STXBP5L: variants seen among roughly 807,000 people sequenced by gnomAD.
STXBP5L encodes syntaxin-binding protein 5-like.
STXBP5L carries 65 observed loss-of-function variants against 144.5 expected under a neutral mutation model. The ratio of observed to expected loss-of-function variants is 0.45; its 90% CI spans 0.37 to 0.55. The LOEUF (loss-of-function observed/expected upper bound fraction) is 0.55, where lower values mean the gene tolerates loss of function less well. Ranked by LOEUF, STXBP5L falls within the 20% of genes least tolerant of loss-of-function variation. STXBP5L has a pLI of 0.00. For synonymous variants in STXBP5L, 505 were observed against 469.6 expected, an observed-to-expected ratio of 1.08 and a Z score of -0.97; for missense variants, 1,298 against 1,405.5, an observed-to-expected ratio of 0.92 and a Z score of 1.22.
intron 5 of STXBP5L, among the ~76,000 whole-genome samples, chr3:121,104,719 A>G (rs987665307): frequency 4.6e-5 from 7 of 152,170 alleles, no homozygotes; most frequent in African/African-American, 1.2e-4. Context: ...GTGGATCCTC[A>G]TCTCTCACCT....
chr3:120,958,178 G>A (rs1030136310), intron 3 of STXBP5L, among the ~76,000 whole-genome samples: 1 of 152,088 alleles, frequency 6.6e-6, no homozygotes. Flanking sequence ...TAAATTCCTG[G>A]ACACATACAC....
At chr3:121,184,618 G>A (rs1283810357) in intron 9 of STXBP5L, among the ~76,000 whole-genome samples, 1 of 152,086 alleles carries the variant, frequency 6.6e-6, no homozygotes, top group Non-Finnish European at 1.5e-5. Flanking sequence ...TGGGGAGAAT[G>A]GAACCAAGTT....
At chr3:121,260,639 C>T (rs1368543295) in intron 18 of STXBP5L, among the ~76,000 whole-genome samples, 2 of 151,876 alleles carry the variant, frequency 1.3e-5, no homozygotes, top group Non-Finnish European at 2.9e-5. Context: ...AAGAATTGTG[C>T]CAATACCGTT....
chr3:121,413,330 C>A lies in STXBP5L; in HGVS notation c.3114+7C>A. On this transcript the variant is annotated splice_region_variant and intron_variant, in intron 24 of 26. Transcript: ENST00000471454. ...AATGTGTGATAATCTACAGGTAGGT[C>A]AGGAGTTACATTTATGAAAAAGACA... is the stretch of plus-strand genomic sequence containing the variant. 2.0e-6 allele frequency: 3 copies of A among 1,519,552 alleles called. No individual in the cohort carries two copies. Among genetic ancestry groups the A allele is most frequent in the South Asian group, 2.7e-5 (2 of 74,468 alleles). 94.1% of individuals were successfully genotyped at this position (1,519,552 alleles called of 1,614,324 possible). A position where few individuals can be genotyped will look rare whatever the true frequency, so the allele number is the denominator to read the frequency against.
chr3:121,405,550 G>C (rs4440066), intron 22 of STXBP5L, among the ~76,000 whole-genome samples: 14,237 of 152,066 alleles, frequency 0.094, 954 homozygotes, highest in African/African-American at 0.18. Flanking sequence ...GGGAAAGCTG[G>C]AGTAAAGTAC....
intron 3 of STXBP5L, among the ~76,000 whole-genome samples, chr3:121,020,236 G>GA (rs1030812034): frequency 5.9e-5 from 9 of 151,490 alleles, no homozygotes; most frequent in East Asian, 1.9e-4. Context: ...AAAGAAAAAA[G>GA]AAAAAAAATG....
At chr3:121,217,259 T>C (rs746225845) in intron 10 of STXBP5L, among the ~76,000 whole-genome samples, 2 of 152,158 alleles carry the variant, frequency 1.3e-5, no homozygotes, top group Non-Finnish European at 2.9e-5. Context: ...TAGCTCGGTG[T>C]CTGCCCAAAT....
At chr3:121,016,941 A>T (rs191613387) in intron 3 of STXBP5L, among the ~76,000 whole-genome samples, 67 of 152,314 alleles carry the variant, frequency 4.4e-4, no homozygotes, top group Non-Finnish European at 6.3e-4. Flanking sequence ...TCCCTGGAGG[A>T]TTAGCATTAC....
intron 20 of STXBP5L, among the ~76,000 whole-genome samples, chr3:121,328,879 G>A (rs1162327916): frequency 1.3e-5 from 2 of 152,020 alleles, no homozygotes; most frequent in Admixed American, 6.5e-5. Flanking sequence ...CCTAATAGGG[G>A]CACTACTGTT....
intron 5 of STXBP5L, among the ~76,000 whole-genome samples, chr3:121,053,111 G>A (rs1948156059): frequency 6.6e-6 from 1 of 152,078 alleles, no homozygotes; most frequent in Non-Finnish European, 1.5e-5. Context: ...ACAAATGGAA[G>A]AACATTCCAT....
chr3:120,940,636 G>A (rs538768858), intron 2 of STXBP5L, among the ~76,000 whole-genome samples: 3 of 123,530 alleles, frequency 2.4e-5, no homozygotes, highest in Non-Finnish European at 3.5e-5. Flanking sequence ...TCCTAGGGGT[G>A]GAAAAAAAAA....
intron 9 of STXBP5L, among the ~76,000 whole-genome samples, chr3:121,191,800 G>C (rs926487885): frequency 2.6e-5 from 4 of 152,112 alleles, no homozygotes; most frequent in African/African-American, 9.7e-5. Flanking sequence ...CCTTTGCAGG[G>C]ACATGGATGA....
intron 7 of STXBP5L, among the ~76,000 whole-genome samples, chr3:121,151,198 C>T (rs1301366046): frequency 6.6e-6 from 1 of 151,962 alleles, no homozygotes; most frequent in Non-Finnish European, 1.5e-5. Context: ...ACACTTAGTA[C>T]AGTCATATCA....
intron 22 of STXBP5L, among the ~76,000 whole-genome samples, chr3:121,386,746 A>T (rs1560044595): frequency 1.3e-5 from 2 of 152,014 alleles, no homozygotes; most frequent in Admixed American, 6.6e-5. Flanking sequence ...ATCCTTTTTT[A>T]TGGCTGCGTA....
chr3:121,089,167 T>A (rs1350608588), intron 5 of STXBP5L, among the ~76,000 whole-genome samples: 1 of 145,094 alleles, frequency 6.9e-6, no homozygotes, highest in Non-Finnish European at 1.5e-5. Flanking sequence ...ACTTAGTATA[T>A]ACATAGTACA....
intron 20 of STXBP5L, among the ~76,000 whole-genome samples, chr3:121,366,032 G>T (rs2045855431): frequency 6.6e-6 from 1 of 151,846 alleles, no homozygotes; most frequent in African/African-American, 2.4e-5. Flanking sequence ...CATTGGTTAA[G>T]AGAGTGTTGT....
chr3:120,941,957 A>C (rs1043262002), intron 2 of STXBP5L, among the ~76,000 whole-genome samples: 1 of 151,814 alleles, frequency 6.6e-6, no homozygotes, highest in African/African-American at 2.4e-5. Flanking sequence ...ATAAGCATTT[A>C]AACACAAGCC....
chr3:121,328,388 A>G (rs918297173), intron 20 of STXBP5L, among the ~76,000 whole-genome samples: 2 of 152,194 alleles, frequency 1.3e-5, no homozygotes. Context: ...TCTGAAATTA[A>G]GTAACTATTA....
chr3:120,925,746 G>T (rs1709591083), intron 2 of STXBP5L, among the ~76,000 whole-genome samples: 1 of 151,956 alleles, frequency 6.6e-6, no homozygotes, highest in African/African-American at 2.4e-5. Context: ...GTCTTCCTTT[G>T]TGGTTAAGTG....
Sources: gnomAD v4.1 joint callset for allele counts (sites outside exome capture counted in the v4.1 genomes callset) on GRCh38, gnomAD v4.1.1 for gene constraint, MANE v1.5 for transcripts, NCBI Gene and HGNC (gene_info 2026-07-23, HGNC 2026-07-21) for gene names.